SPARCL1: variants seen among roughly 807,000 people sequenced by gnomAD.
The protein encoded by SPARCL1 is SPARC-like protein 1.
SPARCL1 carries 52 observed loss-of-function variants against 67.1 expected under a neutral mutation model. The observed-to-expected ratio is 0.78, with a 90% CI of 0.62 to 0.98. The LOEUF is 0.98. SPARCL1 is among the 50% of genes least tolerant of loss of function. The pLI is 0.00. For synonymous variants in SPARCL1, 226 were observed against 267.8 expected (o/e 0.84, Z 1.52); for missense variants, 717 against 782.4 (o/e 0.92, Z 1.00).
chr4:87,514,416 T>G (rs1578114496), intron 1 of SPARCL1, among the ~76,000 whole-genome samples: 1 of 152,240 alleles, frequency 6.6e-6, no homozygotes, highest in Middle Eastern at 3.4e-3. Flanking sequence ...GGTCCCTGAT[T>G]TTTACTGAGT....
intron 1 of SPARCL1, among the ~76,000 whole-genome samples, chr4:87,513,450 A>G (rs1725458068): frequency 6.6e-6 from 1 of 152,196 alleles, no homozygotes. Flanking sequence ...GCCAAGTACT[A>G]AATACTACCT....
intron 1 of SPARCL1, among the ~76,000 whole-genome samples, chr4:87,511,261 A>G (rs752401176): frequency 1.3e-5 from 2 of 152,246 alleles, no homozygotes; most frequent in Non-Finnish European, 2.9e-5. Flanking sequence ...TTAATGACGA[A>G]TTAGATATTG....
intron 2 of SPARCL1, among the ~76,000 whole-genome samples, chr4:87,496,836 G>A (rs1242066974): frequency 6.6e-6 from 1 of 152,100 alleles, no homozygotes; most frequent in Non-Finnish European, 1.5e-5. Context: ...CTGTAGTGCT[G>A]ACTGTGTAAT....
intron 10 of SPARCL1, among the ~76,000 whole-genome samples, chr4:87,477,422 C>T (rs370966335): frequency 2.6e-5 from 4 of 152,130 alleles, no homozygotes; most frequent in Non-Finnish European, 5.9e-5. Context: ...CATCCAACCC[C>T]CTGTGGTCTC....
Position 87,494,501 on chromosome 4 carries a change from T to A in SPARCL1, c.299A>T (p.Gln100Leu), listed in dbSNP as rs376978700. 6.2e-7 allele frequency: 1 copy of A among 1,614,044 alleles called. No homozygotes were observed. The highest frequency in any genetic ancestry group is 1.3e-5 in the African/African-American group (1 of 74,938). Residue 100 changes from glutamine to leucine, a missense_variant, in exon 4 of 11, where the codon CAA becomes CTA. By Grantham distance (113) the Gln-to-Leu change is moderately radical. Transcript: ENST00000282470. ...ACTTAAGTGACCATCACTGTCCTCT[T>A]GATCCTTCAATCCCAGCTCTTGGCT... ...SSSQELGLKD[Q>L]EDSDGHLSVN...
chr4:87,501,224 G>C (rs1005732037), intron 1 of SPARCL1, among the ~76,000 whole-genome samples: 5 of 152,076 alleles, frequency 3.3e-5, no homozygotes, highest in Middle Eastern at 3.2e-3. Flanking sequence ...GTGTATCTCC[G>C]GCTGCTGGGC....
intron 1 of SPARCL1, among the ~76,000 whole-genome samples, chr4:87,523,518 G>A (rs17012787): frequency 0.031 from 4,747 of 152,246 alleles, 127 homozygotes; most frequent in African/African-American, 0.061. Flanking sequence ...ACATGACCAC[G>A]AGTGAGGACT....
chr4:87,473,872 G>A (rs1723451754), intron 10 of SPARCL1, 69 bp from the exon 11 acceptor site: 1 of 1,065,292 alleles, frequency 9.4e-7, no homozygotes, highest in Non-Finnish European at 1.4e-6. Context: ...AACAATATTA[G>A]AGTTGGGGGA....
intron 1 of SPARCL1, among the ~76,000 whole-genome samples, chr4:87,501,904 C>A (rs1430320847): frequency 6.6e-6 from 1 of 151,450 alleles, no homozygotes; most frequent in Admixed American, 6.6e-5. Flanking sequence ...TTTTGCTCTT[C>A]TCTTCAACAG....
chr4:87,498,361 G>A (rs1355924037), intron 2 of SPARCL1, among the ~76,000 whole-genome samples: 1 of 152,114 alleles, frequency 6.6e-6, no homozygotes, highest in Non-Finnish European at 1.5e-5. Context: ...TATCCAAAAA[G>A]CAAGGACAGA....
At chr4:87,493,223 C>T (rs182942727) in intron 4 of SPARCL1, among the ~76,000 whole-genome samples, 1 of 152,170 alleles carries the variant, frequency 6.6e-6, no homozygotes, top group African/African-American at 2.4e-5. Context: ...AAAAGAAGTA[C>T]CCTAGCTCCT....
At chr4:87,490,495 G>T in intron 6 of SPARCL1, 102 bp from the exon 7 acceptor site, 1 of 1,350,502 alleles carries the variant, frequency 7.4e-7, no homozygotes, top group Non-Finnish European at 1.0e-6. Context: ...CTGTGCCAAA[G>T]ATGTGGTCAG....
chr4:87,483,514 CTT>C (rs1723918682), intron 7 of SPARCL1, among the ~76,000 whole-genome samples: 1 of 152,144 alleles, frequency 6.6e-6, no homozygotes, highest in African/African-American at 2.4e-5. Context: ...GGTTCCAAGT[CTT>C]TACTATTGTG....
At chr4:87,493,086 T>C (rs570864424) in intron 4 of SPARCL1, among the ~76,000 whole-genome samples, 26 of 152,282 alleles carry the variant, frequency 1.7e-4, no homozygotes, top group African/African-American at 6.0e-4. Context: ...TTCCAGCTAG[T>C]TCCAGGGACT....
intron 1 of SPARCL1, among the ~76,000 whole-genome samples, chr4:87,523,655 C>T (rs557902986): frequency 1.1e-4 from 16 of 151,862 alleles, no homozygotes; most frequent in East Asian, 7.7e-4. Flanking sequence ...GTTAAAGATG[C>T]GTATGAAGAG....
At chr4:87,518,648 C>G (rs1006831824) in intron 1 of SPARCL1, among the ~76,000 whole-genome samples, 2 of 152,192 alleles carry the variant, frequency 1.3e-5, no homozygotes, top group African/African-American at 2.4e-5. Flanking sequence ...ATAACAACAT[C>G]TTCCACTATT....
intron 4 of SPARCL1, 55 bp downstream of exon 4, chr4:87,493,527 C>G (rs1724440750): frequency 7.4e-6 from 11 of 1,495,350 alleles, no homozygotes; most frequent in African/African-American, 1.4e-5. Context: ...AAGGTCATGA[C>G]TGTTTATTGA....
chr4:87,523,827 C>T (rs897420852), intron 1 of SPARCL1, among the ~76,000 whole-genome samples: 3 of 152,104 alleles, frequency 2.0e-5, no homozygotes, highest in African/African-American at 2.4e-5. Flanking sequence ...TGCTGTTTGG[C>T]CAAACACTTT....
At chr4:87,474,233 C>T (rs4129319) in intron 10 of SPARCL1, among the ~76,000 whole-genome samples, 57,973 of 151,854 alleles carry the variant, frequency 0.38, 11,706 homozygotes, top group African/African-American at 0.5. Context: ...AAGAAATTGT[C>T]GCCATACCTG....
Sources: allele counts gnomAD v4.1 joint callset (sites outside exome capture counted in the v4.1 genomes callset), GRCh38; gene constraint gnomAD v4.1.1; transcripts MANE v1.5; gene names NCBI Gene and HGNC (gene_info 2026-07-23, HGNC 2026-07-21).